Variants in NRXN3 observed in about 807,000 individuals in gnomAD.
NRXN3 encodes neurexin 3, also known as neurexin III.
Under a neutral mutation model 137.6 loss-of-function variants are expected in NRXN3, and 32 were observed. The ratio of observed to expected loss-of-function variants is 0.23; its 90% CI spans 0.18 to 0.31. NRXN3 has a LOEUF of 0.31. Ranked by LOEUF, NRXN3 falls within the 10% of genes least tolerant of loss-of-function variation. NRXN3 has a pLI of 1.00. For missense variants in NRXN3, 1,574 were observed against 2,062.5 expected (o/e 0.76, Z 4.59); for synonymous variants, 798 against 784.5 (o/e 1.02, Z -0.29).
chr14:79,383,588 A>T (rs1239280215), intron 15 of NRXN3, among the ~76,000 whole-genome samples: 1 of 152,126 alleles, frequency 6.6e-6, no homozygotes, highest in Non-Finnish European at 1.5e-5. Flanking sequence ...AGCATTGCGA[A>T]TTCACAATAC....
chr14:79,392,693 C>T (rs994119051), intron 15 of NRXN3, among the ~76,000 whole-genome samples: 1 of 151,952 alleles, frequency 6.6e-6, no homozygotes, highest in African/African-American at 2.4e-5. Context: ...AGGAAATGGC[C>T]AGGTGTGGTG....
intron 8 of NRXN3, among the ~76,000 whole-genome samples, chr14:78,759,929 A>G (rs1033615625): frequency 2.6e-5 from 4 of 151,686 alleles, no homozygotes; most frequent in African/African-American, 4.8e-5. Context: ...ATGTCCTATT[A>G]GTATGCCCAC....
At chr14:79,213,436 A>G (rs1258467992) in intron 15 of NRXN3, among the ~76,000 whole-genome samples, 1 of 152,202 alleles carries the variant, frequency 6.6e-6, no homozygotes, top group African/African-American at 2.4e-5. Context: ...ATAATACAGT[A>G]AAAAGACAAT....
intron 15 of NRXN3, among the ~76,000 whole-genome samples, chr14:79,457,641 T>C (rs535208985): frequency 2.0e-5 from 3 of 152,298 alleles, no homozygotes; most frequent in South Asian, 4.1e-4. Context: ...TCGTGTTGTA[T>C]GAATTAAAGC....
At chr14:79,473,120 A>C (rs541417225) in intron 16 of NRXN3, among the ~76,000 whole-genome samples, 1 of 152,230 alleles carries the variant, frequency 6.6e-6, no homozygotes, top group African/African-American at 2.4e-5. Flanking sequence ...TTCCTGACTT[A>C]AAATGTAGAT....
At chr14:79,259,593 T>TTA (rs1159371545) in intron 15 of NRXN3, among the ~76,000 whole-genome samples, 7 of 147,172 alleles carry the variant, frequency 4.8e-5, no homozygotes, top group Non-Finnish European at 7.5e-5. Flanking sequence ...ATATATAGAG[T>TTA]TATATATATA....
chr14:78,783,244 G>A, intron 8 of NRXN3, among the ~76,000 whole-genome samples: 1 of 152,232 alleles, frequency 6.6e-6, no homozygotes, highest in African/African-American at 2.4e-5. Flanking sequence ...GCACTGAAAA[G>A]GACACAATAT....
chr14:79,570,599 G>C (rs1177904158), intron 16 of NRXN3: 1 of 152,174 alleles, frequency 6.6e-6, no homozygotes, highest in Non-Finnish European at 1.5e-5. Context: ...GTCAGGCCCT[G>C]AATCCTTGTG....
intron 19 of NRXN3, among the ~76,000 whole-genome samples, chr14:79,699,974 T>G (rs1270549777): frequency 2.6e-5 from 4 of 152,048 alleles, no homozygotes; most frequent in Admixed American, 2.6e-4. Flanking sequence ...TTTGGAAGAC[T>G]AACTAGAGGA....
chr14:78,872,814 A>G (rs1336934014), intron 10 of NRXN3, among the ~76,000 whole-genome samples: 1 of 152,094 alleles, frequency 6.6e-6, no homozygotes, highest in Non-Finnish European at 1.5e-5. Flanking sequence ...TTCATAACAG[A>G]GGAGAAAAGG....
intron 20 of NRXN3, among the ~76,000 whole-genome samples, chr14:79,828,984 A>G (rs903798705): frequency 6.6e-6 from 1 of 152,220 alleles, no homozygotes; most frequent in Non-Finnish European, 1.5e-5. Context: ...TATAATTTAC[A>G]CAATTCCACA....
At chr14:78,278,872 A>G (rs2073996411) in intron 3 of NRXN3, among the ~76,000 whole-genome samples, 1 of 152,262 alleles carries the variant, frequency 6.6e-6, no homozygotes, top group African/African-American at 2.4e-5. Context: ...TGGTTCTCAT[A>G]CTTAATATAA....
chr14:78,892,812 G>GTGTGTGTGTGTGTGTGTGTGTGT (rs2094957488), intron 10 of NRXN3, among the ~76,000 whole-genome samples: 1 of 148,962 alleles, frequency 6.7e-6, no homozygotes, highest in Admixed American at 6.7e-5. Context: ...GTGTGTGTGT[G>GTGTGTGTGTGTGTGTGTGTGTGT]GTGTTTGCTA....
intron 15 of NRXN3, among the ~76,000 whole-genome samples, chr14:79,245,019 G>T (rs1354692924): frequency 6.6e-6 from 1 of 152,074 alleles, no homozygotes; most frequent in Non-Finnish European, 1.5e-5. Context: ...GGATTCTTGG[G>T]TCCCAGTCTC....
At chr14:79,735,570 T>C (rs2154075690) in intron 19 of NRXN3, among the ~76,000 whole-genome samples, 1 of 152,314 alleles carries the variant, frequency 6.6e-6, no homozygotes, top group Admixed American at 6.5e-5. Flanking sequence ...GGAGGTAATT[T>C]GTGTACATAT....
chr14:78,695,096 T>C (rs753658069), intron 6 of NRXN3, among the ~76,000 whole-genome samples: 2 of 152,046 alleles, frequency 1.3e-5, no homozygotes, highest in African/African-American at 4.8e-5. Flanking sequence ...CCATTTCTGA[T>C]AGCTGCCCAT....
intron 8 of NRXN3, among the ~76,000 whole-genome samples, chr14:78,765,274 C>T (rs1486300159): frequency 2.6e-5 from 4 of 152,120 alleles, no homozygotes; most frequent in Non-Finnish European, 4.4e-5. Flanking sequence ...CTGTGTCAGC[C>T]TCCTGAGTAG....
chr14:78,197,198 C>T (rs535122722), intron 1 of NRXN3, among the ~76,000 whole-genome samples: 43 of 152,326 alleles, frequency 2.8e-4, no homozygotes, highest in South Asian at 6.2e-4. Flanking sequence ...CCTCAGCCCT[C>T]GCCCAACCAG....
chr14:78,606,408 C>A (rs1198609230), intron 4 of NRXN3, among the ~76,000 whole-genome samples: 2 of 152,170 alleles, frequency 1.3e-5, no homozygotes, highest in East Asian at 3.9e-4. Context: ...CCCTAACCAA[C>A]TCTTACTCAT....
Sources: allele counts gnomAD v4.1 joint callset (sites outside exome capture counted in the v4.1 genomes callset), GRCh38; gene constraint gnomAD v4.1.1; transcripts MANE v1.5; gene names NCBI Gene and HGNC (gene_info 2026-07-23, HGNC 2026-07-21).